The following TTC39C variants were observed in gnomAD, a reference collection of about 807,000 sequenced individuals.
The protein encoded by TTC39C is tetratricopeptide repeat protein 39C.
TTC39C carries 33 observed loss-of-function variants against 76.3 expected under a neutral mutation model. That is an observed-to-expected ratio of 0.43 (90% CI 0.33 to 0.58). TTC39C has a LOEUF of 0.58. Among genes scored for constraint, TTC39C ranks in the 20% least tolerant of loss-of-function variants. The probability of loss-of-function intolerance (pLI) is 0.04; values close to 1 mark genes in which losing one functional copy is unlikely to be tolerated. For missense variants in TTC39C, 595 were observed against 701.4 expected (o/e 0.85, Z 1.71); for synonymous variants, 254 against 260.6 (o/e 0.97, Z 0.24).
At chr18:24,121,575 G>A (rs1599346724) in intron 8 of TTC39C, among the ~76,000 whole-genome samples, 1 of 151,470 alleles carries the variant, frequency 6.6e-6, no homozygotes, top group South Asian at 2.1e-4. Flanking sequence ...GCAAAACTCT[G>A]TCAAAAAAAA....
chr18:24,118,098 C>T (rs2084919074), intron 7 of TTC39C, 27 bp from the exon 8 acceptor site: 1 of 1,587,340 alleles, frequency 6.3e-7, no homozygotes. Context: ...ACTTTAGGGT[C>T]ATGTGCTAAA....
At chr18:24,122,910 G>A (rs1037172705) in intron 8 of TTC39C, among the ~76,000 whole-genome samples, 3 of 152,208 alleles carry the variant, frequency 2.0e-5, no homozygotes, top group African/African-American at 4.8e-5. Context: ...CTCCTACCCT[G>A]ACTACTCCTA....
At chr18:23,994,630 C>T (rs577784250) in intron 1 of TTC39C, among the ~76,000 whole-genome samples, 47 of 151,242 alleles carry the variant, frequency 3.1e-4, no homozygotes, top group African/African-American at 9.9e-4. Flanking sequence ...CGTTTCAAGG[C>T]TTTAAAAAAG....
At chr18:24,109,731 G>A (rs542139234) in intron 6 of TTC39C, among the ~76,000 whole-genome samples, 3 of 152,254 alleles carry the variant, frequency 2.0e-5, no homozygotes, top group African/African-American at 7.2e-5. Flanking sequence ...TAAGCTGGAT[G>A]CAGTGGCTCA....
chr18:24,024,010 A>ATT (rs1568409146), intron 1 of TTC39C, among the ~76,000 whole-genome samples: 1 of 6,544 alleles, frequency 1.5e-4, no homozygotes, highest in African/African-American at 5.3e-4. Flanking sequence ...ATATATATAT[A>ATT]TATATATTTT....
At chr18:24,096,994 A>G (rs2084597595) in intron 6 of TTC39C, among the ~76,000 whole-genome samples, 1 of 152,212 alleles carries the variant, frequency 6.6e-6, no homozygotes, top group African/African-American at 2.4e-5. Context: ...TTAGGAAACA[A>G]GAAGTCAAAG....
At chr18:24,074,478 T>A (rs555868866) in intron 4 of TTC39C, among the ~76,000 whole-genome samples, 46 of 152,280 alleles carry the variant, frequency 3.0e-4, no homozygotes, top group African/African-American at 1.1e-3. Context: ...GGAGGAAAGG[T>A]AATGCCATTC....
chr18:24,050,835 G>T (rs1204780456), intron 1 of TTC39C, among the ~76,000 whole-genome samples: 1 of 148,700 alleles, frequency 6.7e-6, no homozygotes, highest in Admixed American at 6.7e-5. Context: ...TCATGCCATT[G>T]CACTCTAGCC....
chr18:24,072,902 G>A (rs554636356), intron 4 of TTC39C, among the ~76,000 whole-genome samples: 1 of 152,328 alleles, frequency 6.6e-6, no homozygotes, highest in South Asian at 2.1e-4. Flanking sequence ...TTCCTCAGAT[G>A]AGATTGTTTT....
At chr18:24,075,368 ATCATC>A (rs1480696304) in intron 4 of TTC39C, among the ~76,000 whole-genome samples, 1 of 152,062 alleles carries the variant, frequency 6.6e-6, no homozygotes, top group Non-Finnish European at 1.5e-5. Flanking sequence ...TGAAAACTAA[ATCATC>A]TTTTGTCCTT....
At chr18:23,995,577 C>CATTCCTTTTT (rs1457164576) in intron 1 of TTC39C, among the ~76,000 whole-genome samples, 2 of 152,102 alleles carry the variant, frequency 1.3e-5, no homozygotes, top group African/African-American at 4.8e-5. Context: ...GTCAATAGTT[C>CATTCCTTTTT]ATTCCTTTTT....
chr18:24,093,468 G>T (rs893296217), intron 6 of TTC39C, among the ~76,000 whole-genome samples: 25 of 140,570 alleles, frequency 1.8e-4, no homozygotes, highest in African/African-American at 6.3e-4. Flanking sequence ...GACAGAGTGA[G>T]ACTCTGTCTC....
intron 1 of TTC39C, among the ~76,000 whole-genome samples, chr18:24,033,995 AG>A (rs2083704768): frequency 1.3e-5 from 2 of 152,250 alleles, no homozygotes; most frequent in African/African-American, 4.8e-5. Context: ...TCTAAATGGA[AG>A]GAATAGCTGA....
Position 24,133,308 on chromosome 18 carries a change from G to GGACAC in TTC39C, c.*734_*735insGACAC, listed in dbSNP as rs1425941623. On this transcript the variant is annotated 3_prime_UTR_variant, in exon 14 of 14. Coordinates refer to ENST00000317571, the MANE Select transcript of TTC39C (RefSeq NM_001135993.2). ...CACCAGAAATAGTCATCTCCAGATT[G>GGACAC]TCTACAGAATGTTTCAAAGCGATGG... 4.6e-5 allele frequency: 7 copies of GGACAC among 152,322 alleles called. No individual in the cohort carries two copies. Among genetic ancestry groups the GGACAC allele is most frequent in the African/African-American group, 1.7e-4 (7 of 41,584 alleles). The allele number at this position is 152,322 out of a possible 1,614,324, so 9.4% of individuals were successfully genotyped here. A position where few individuals can be genotyped will look rare whatever the true frequency, so the allele number is the denominator to read the frequency against.
chr18:24,027,823 G>A (rs775296522), intron 1 of TTC39C, among the ~76,000 whole-genome samples: 2 of 152,196 alleles, frequency 1.3e-5, no homozygotes, highest in Admixed American at 1.3e-4. Context: ...GCCTCCCAAA[G>A]TGCTAGGATT....
At chr18:24,045,142 G>A (rs1211959471) in intron 1 of TTC39C, among the ~76,000 whole-genome samples, 4 of 151,936 alleles carry the variant, frequency 2.6e-5, no homozygotes, top group African/African-American at 7.3e-5. Context: ...GGTGGCACAC[G>A]CCTGTAGTCT....
chr18:24,000,213 A>C (rs1369395540), intron 1 of TTC39C, among the ~76,000 whole-genome samples: 1 of 152,170 alleles, frequency 6.6e-6, no homozygotes, highest in Non-Finnish European at 1.5e-5. Context: ...AGCACTTTGG[A>C]GTGTGCCCTT....
intron 6 of TTC39C, among the ~76,000 whole-genome samples, chr18:24,112,931 C>T (rs1241613202): frequency 6.6e-6 from 1 of 152,112 alleles, no homozygotes; most frequent in African/African-American, 2.4e-5. Context: ...CGCTCATGCA[C>T]ACATTCCTGC....
chr18:24,019,927 ATGT>A, intron 1 of TTC39C: 3 of 1,519,846 alleles, frequency 2.0e-6, no homozygotes, highest in Non-Finnish European at 2.6e-6. Flanking sequence ...CTTGTAAGAG[ATGT>A]TGAGTCAGCA....
Sources: gnomAD v4.1 joint callset for allele counts (sites outside exome capture counted in the v4.1 genomes callset) on GRCh38, gnomAD v4.1.1 for gene constraint, MANE v1.5 for transcripts, NCBI Gene and HGNC (gene_info 2026-07-23, HGNC 2026-07-21) for gene names.